Variants in TGFB3 observed in about 807,000 individuals in gnomAD.
TGFB3 encodes the protein transforming growth factor beta-3 proprotein.
Under a neutral mutation model 40.1 loss-of-function variants are expected in TGFB3, and 5 were observed. That is an observed-to-expected ratio of 0.12 (90% CI 0.07 to 0.26). The LOEUF (loss-of-function observed/expected upper bound fraction) is 0.26. Among genes scored for constraint, TGFB3 ranks in the 10% least tolerant of loss-of-function variants. The pLI, the probability that TGFB3 is intolerant of heterozygous loss-of-function variation, is 1.00. For missense variants in TGFB3, 373 were observed against 530.1 expected, an observed-to-expected ratio of 0.70 and a Z score of 2.91; for synonymous variants, 184 against 205.6, an observed-to-expected ratio of 0.89 and a Z score of 0.90.
intron 1 of TGFB3, among the ~76,000 whole-genome samples, chr14:75,974,698 G>A (rs144596341): frequency 4.0e-5 from 6 of 149,760 alleles, no homozygotes; most frequent in African/African-American, 1.2e-4. Context: ...CTGGGAGGTC[G>A]AGGTTGCAGT....
intron 4 of TGFB3, among the ~76,000 whole-genome samples, chr14:75,965,100 C>T (rs556416697): frequency 5.3e-5 from 8 of 152,288 alleles, no homozygotes; most frequent in African/African-American, 1.4e-4. Context: ...TCATCCAAAC[C>T]CAGAGGACCC....
intron 1 of TGFB3, among the ~76,000 whole-genome samples, chr14:75,976,931 G>A (rs912610407): frequency 2.0e-5 from 3 of 151,962 alleles, no homozygotes; most frequent in South Asian, 2.1e-4. Flanking sequence ...GGAGCTTGTC[G>A]AAAATACAGG....
At chr14:75,968,608 C>A (rs1362426278) in intron 3 of TGFB3, among the ~76,000 whole-genome samples, 9 of 152,188 alleles carry the variant, frequency 5.9e-5, no homozygotes, top group Admixed American at 5.9e-4. Context: ...ATTTCCCCAG[C>A]CCCTCCTTTC....
intron 3 of TGFB3, chr14:75,970,854 C>A: frequency 2.3e-6 from 1 of 427,286 alleles, no homozygotes; most frequent in Non-Finnish European, 4.4e-6. Context: ...ATCATAGAGA[C>A]CTTCCCTGTT....
In TGFB3 at chr14:75,980,601, G is replaced by C. The variant is rs142047577; in HGVS notation, c.293C>G (p.Ser98Trp). 6.2e-7 allele frequency: 1 copy of C among 1,614,172 alleles called. No individual in the cohort carries two copies. The highest frequency in any genetic ancestry group is 1.6e-4 in the Middle Eastern group (1 of 6,062). ...EEGCTQENTESEYYAKEIHKF... is the reference protein window; with the variant it reads ...EEGCTQENTEWEYYAKEIHKF... Reference sequence around the variant, plus strand: ...ATGGATTTCTTTGGCATAGTATTCCGACTCGGTGTTTTCCTGGGTGCAGCC... The same window carrying C: ...ATGGATTTCTTTGGCATAGTATTCCCACTCGGTGTTTTCCTGGGTGCAGCC... The change falls in exon 1 of 7, where the codon TCG (serine) becomes TGG (tryptophan). Residue 98 changes from serine to tryptophan, a missense_variant. Physicochemically the swap from Ser to Trp is radical, Grantham distance 177. Transcript: ENST00000238682. The surrounding 1 kb of genome is among the most constrained non-coding windows in gnomAD (Gnocchi z 4.3).
intron 1 of TGFB3, among the ~76,000 whole-genome samples, chr14:75,976,861 A>G (rs755856659): frequency 1.3e-5 from 2 of 152,132 alleles, no homozygotes; most frequent in Admixed American, 1.3e-4. Context: ...CCATCCCTCT[A>G]AGAAAAGTTT....
At chr14:75,975,588 T>C (rs1029548323) in intron 1 of TGFB3, among the ~76,000 whole-genome samples, 2 of 152,164 alleles carry the variant, frequency 1.3e-5, no homozygotes, top group Admixed American at 6.5e-5. Flanking sequence ...CTGAGAAGAA[T>C]GAAAACATGT....
chr14:75,963,952 C>A (rs1364812190), intron 4 of TGFB3, among the ~76,000 whole-genome samples: 1 of 152,198 alleles, frequency 6.6e-6, no homozygotes, highest in Non-Finnish European at 1.5e-5. Context: ...TCTTGGCTCA[C>A]TGCAACCTCT....
chr14:75,971,284 C>G lies in TGFB3; in HGVS notation c.517-29G>C. 1.2e-6 allele frequency: 2 copies of G among 1,613,770 alleles called. No individual in the cohort carries two copies. The highest frequency in any genetic ancestry group is 1.7e-6 in the Non-Finnish European group (2 of 1,179,938). ...CAGGGCAGAGAAAGGAGTGAGTACC[C>G]GAGACCAGGACAGAGTGCCCCAGAA... On this transcript the variant is annotated intron_variant, in intron 2 of 6. Transcript: ENST00000238682. The surrounding 1 kb of genome is among the most constrained non-coding windows in gnomAD (Gnocchi z 4.5).
chr14:75,970,417 AG>A (rs1416774150), intron 3 of TGFB3, among the ~76,000 whole-genome samples: 1 of 151,896 alleles, frequency 6.6e-6, no homozygotes, highest in African/African-American at 2.4e-5. Context: ...AAAATTAGCC[AG>A]GTGTGGCAGC....
chr14:75,961,183 G>T, intron 5 of TGFB3, 107 bp from the exon 6 acceptor site: 1 of 1,342,792 alleles, frequency 7.4e-7, no homozygotes, highest in Non-Finnish European at 1.0e-6. Flanking sequence ...CATCATAGGT[G>T]GCTCTGATCA....
At chr14:75,975,510 A>G (rs2035343799) in intron 1 of TGFB3, among the ~76,000 whole-genome samples, 1 of 152,266 alleles carries the variant, frequency 6.6e-6, no homozygotes, top group African/African-American at 2.4e-5. Context: ...TACATAAATA[A>G]GCAAAATGTA....
At position 75,980,913 on chromosome 14, in the gene TGFB3, G is replaced by A; in HGVS notation, c.-20C>T. The A allele has an allele frequency of 6.2e-7, 1 of 1,610,938 alleles. No individual in the cohort carries two copies. The stretch of plus-strand genomic sequence containing the variant: ...CTTCATGTGTGAGCTGGGAAGAGAG[G>A]CCAGGGGGACGGCAAGGCCTGGAGA... On this transcript the variant is annotated 5_prime_UTR_variant, in exon 1 of 7. Coordinates refer to ENST00000238682, the MANE Select transcript of TGFB3 (RefSeq NM_003239.5). The surrounding 1 kb of genome is among the most constrained non-coding windows in gnomAD (Gnocchi z 4.3).
At chr14:75,963,901 G>C (rs532661394) in intron 4 of TGFB3, among the ~76,000 whole-genome samples, 1 of 151,076 alleles carries the variant, frequency 6.6e-6, no homozygotes, top group African/African-American at 2.5e-5. Flanking sequence ...TTTTGAGACA[G>C]AGTCTCGCTC....
chr14:75,976,815 C>T (rs144650523), intron 1 of TGFB3, among the ~76,000 whole-genome samples: 1 of 152,294 alleles, frequency 6.6e-6, no homozygotes, highest in East Asian at 1.9e-4. Flanking sequence ...AGATCATTTG[C>T]ATTTCCTGCC....
upstream of TGFB3, chr14:75,983,000 C>A: frequency 6.6e-6 from 1 of 152,492 alleles, no homozygotes. The surrounding 1 kb of genome is among the most constrained non-coding windows in gnomAD (Gnocchi z 4.0). Flanking sequence ...AGGCCTTTTC[C>A]CACGAGCAGC....
At position 75,980,935 on chromosome 14, in the gene TGFB3, G is replaced by C; in HGVS notation, c.-42C>G. On this transcript the variant is annotated 5_prime_UTR_variant, in exon 1 of 7. Coordinates refer to ENST00000238682, the MANE Select transcript of TGFB3 (RefSeq NM_003239.5). This position sits in a 1 kb window ranked among gnomAD's most constrained non-coding sequence, Gnocchi z 4.3. ...GAGGCCAGGGGGACGGCAAGGCCTG[G>C]AGAGGAAGAGACCCCAGCAGACGTG... The C allele has an allele frequency of 1.1e-5, 18 of 1,576,208 alleles. No homozygotes were observed. The highest frequency in any genetic ancestry group is 1.6e-5 in the Non-Finnish European group (18 of 1,147,716).
chr14:75,960,145 T>C (rs2035137792), intron 6 of TGFB3: 1 of 152,128 alleles, frequency 6.6e-6, no homozygotes, highest in South Asian at 2.1e-4. Flanking sequence ...GGTTTCACCA[T>C]GTTGGCCAGG....
chr14:75,971,759 A>C lies in TGFB3; in HGVS notation c.353-41T>G. On this transcript the variant is annotated intron_variant, in intron 1 of 6. Transcript: ENST00000238682. The surrounding 1 kb of genome is among the most constrained non-coding windows in gnomAD (Gnocchi z 4.5). ...GAGCAGAGGGCACAGCATGAGCGAGACATGCAGGAACAGTGTGCTGCCAAC... is the reference window on the plus strand; with the variant it reads ...GAGCAGAGGGCACAGCATGAGCGAGCCATGCAGGAACAGTGTGCTGCCAAC... The C allele has an allele frequency of 6.2e-7, 1 of 1,609,026 alleles. No individual in the cohort carries two copies. Among genetic ancestry groups the C allele is most frequent in the Non-Finnish European group, 8.5e-7 (1 of 1,176,752 alleles).
Sources: gnomAD v4.1 joint callset for allele counts (sites outside exome capture counted in the v4.1 genomes callset) on GRCh38, gnomAD v4.1.1 for gene constraint, Gnocchi (gnomAD v3.1) non-coding constraint, MANE v1.5 for transcripts, NCBI Gene and HGNC (gene_info 2026-07-23, HGNC 2026-07-21) for gene names.